The following RHD variants were observed in gnomAD, a reference collection of about 807,000 sequenced individuals.
The protein encoded by RHD is blood group Rh(D) polypeptide.
A neutral mutation model predicts 45.5 loss-of-function variants in RHD; 16 were observed. The ratio of observed to expected loss-of-function variants is 0.35; its 90% confidence interval spans 0.24 to 0.53. The LOEUF (loss-of-function observed/expected upper bound fraction) is 0.53, where lower values mean the gene tolerates loss of function less well. RHD is among the 20% of genes least tolerant of loss of function. RHD has a pLI of 0.92. For synonymous variants in RHD, 131 were observed against 217.5 expected, an observed-to-expected ratio of 0.60 and a Z score of 3.50; for missense variants, 306 against 532.0, an observed-to-expected ratio of 0.58 and a Z score of 4.18.
chr1:25,311,362 C>G (rs1172398736), intron 7 of RHD, among the ~76,000 whole-genome samples: 1 of 130,378 alleles, frequency 7.7e-6, no homozygotes, highest in Non-Finnish European at 1.8e-5. Context: ...GATAAGAAAA[C>G]TAGTACACAT....
rs1336968659 is a variant in RHD, at chr1:25,298,788, A to G, written c.487-2158A>G. On this transcript the variant is annotated intron_variant, in intron 3 of 9. Transcript: ENST00000328664. ...TTCCAGAAGGAAAGACTGCCAATAAACAATAAAATAGGCAAAAGATATAGC... is the reference window on the plus strand; with the variant it reads ...TTCCAGAAGGAAAGACTGCCAATAAGCAATAAAATAGGCAAAAGATATAGC... Among the ~76,000 whole-genome samples the G allele has an allele frequency of 3.0e-5, 4 of 131,422 alleles. 1 individual carries two copies. Among genetic ancestry groups the G allele is most frequent in the African/African-American group, 5.2e-5 (2 of 38,104 alleles). 86.2% of individuals were successfully genotyped at this position (131,422 alleles called of 152,430 possible). A position where few individuals can be genotyped will look rare whatever the true frequency, so the allele number is the denominator to read the frequency against.
chr1:25,284,558 C>T lies in RHD; in HGVS notation c.149-15C>T, dbSNP rs1440302340. On this transcript the variant is annotated splice_polypyrimidine_tract_variant and intron_variant, in intron 1 of 9. Coordinates refer to ENST00000328664, the MANE Select transcript of RHD (RefSeq NM_016124.6). ...GCTTCCCCCTCGTCCTTCTCGCCATCTCCCCACCGAGCAGTTGGCCAAGAT... is the reference window on the plus strand; with the variant it reads ...GCTTCCCCCTCGTCCTTCTCGCCATTTCCCCACCGAGCAGTTGGCCAAGAT... The T allele has an allele frequency of 5.0e-6, 7 of 1,388,458 alleles. No homozygotes were observed. The African/African-American group carries it at 5.6e-5, about 11-fold the overall frequency. 86.0% of individuals were successfully genotyped at this position (1,388,458 alleles called of 1,614,324 possible).
chr1:25,275,232 G>A lies in RHD; in HGVS notation c.148+2537G>A, dbSNP rs1299644115. On this transcript the variant is annotated intron_variant, in intron 1 of 9. Transcript: ENST00000328664. The stretch of plus-strand genomic sequence containing the variant: ...TTGAACCCAGGAGGCAGAGGTTGCT[G>A]AGCTGAGAACATGCCACTGCACTCC... Among the ~76,000 whole-genome samples the A allele has an allele frequency of 5.3e-5, 7 of 132,166 alleles. 2 individuals are homozygous for A. Among genetic ancestry groups the A allele is most frequent in the Non-Finnish European group, 1.3e-4 (7 of 55,848 alleles). The allele number at this position is 132,166 out of a possible 152,430, so 86.7% of individuals were successfully genotyped here.
intron 3 of RHD, among the ~76,000 whole-genome samples, chr1:25,299,357 G>A (rs1643203882): frequency 7.6e-6 from 1 of 130,862 alleles, no homozygotes; most frequent in Admixed American, 7.4e-5. Flanking sequence ...ACTCTAGCCT[G>A]GCGACAGAGT....
At position 25,316,680 on chromosome 1, in the gene RHD, G is replaced by C. The variant is rs545720494; in HGVS notation, c.1074-320G>C. Among the ~76,000 whole-genome samples the C allele has an allele frequency of 1.9e-4, 24 of 125,616 alleles. 6 individuals are homozygous for C. The South Asian group carries it at 6.0e-3, about 31-fold the overall frequency. The allele number at this position is 125,616 out of a possible 152,430, so 82.4% of individuals were successfully genotyped here. ...GAGGCTCTGAGAGGTTGAGGGACTTGCCCAGGGTCTTGCAGCTAGTAAGTG... is the reference window on the plus strand; with the variant it reads ...GAGGCTCTGAGAGGTTGAGGGACTTCCCCAGGGTCTTGCAGCTAGTAAGTG... On this transcript the variant is annotated intron_variant, in intron 7 of 9. Transcript: ENST00000328664.
rs1172601632 is a variant in RHD, at chr1:25,309,040, G to A, written c.1073+2311G>A. 2.3e-5 allele frequency among the ~76,000 whole-genome samples: 3 copies of A among 132,332 alleles called. 1 individual carries two copies. In the East Asian group the frequency reaches 5.8e-4, roughly 26 times the overall value. The allele number at this position is 132,332 out of a possible 152,430, so 86.8% of individuals were successfully genotyped here. On this transcript the variant is annotated intron_variant, in intron 7 of 9. Coordinates refer to ENST00000328664, the MANE Select transcript of RHD (RefSeq NM_016124.6). ...CATCTCTATGTAATGGAAAGATGGA[G>A]AGAGGATTAAGCGCAAAGTCACAAC...
chr1:25,319,795 A>G, intron 8 of RHD, among the ~76,000 whole-genome samples: 1 of 132,926 alleles, frequency 7.5e-6, no homozygotes, highest in South Asian at 2.3e-4. Flanking sequence ...CAGCCCAGGT[A>G]GATTAGAAAT....
At chr1:25,290,554 A>AGAAT (rs112473736) in intron 2 of RHD, 87 bp from the exon 3 acceptor site, 22,281 of 1,099,784 alleles carry the variant, frequency 0.02, 3,279 homozygotes, top group African/African-American at 0.09. Flanking sequence ...GTTTGTTGAA[A>AGAAT]GAATGAATGA....
chr1:25,305,569 G>A lies in RHD; in HGVS notation c.940-1027G>A, dbSNP rs1395215479. 7.6e-5 allele frequency among the ~76,000 whole-genome samples: 9 copies of A among 117,840 alleles called. 2 individuals carry two copies. The highest frequency in any genetic ancestry group is 1.6e-4 in the Non-Finnish European group (8 of 50,708). 77.3% of individuals were successfully genotyped at this position (117,840 alleles called of 152,430 possible). ...CCACCACCATGCCTGGCTAATTTTC[G>A]TGTGTGTATGTATTTTGTTGTTGTT... On this transcript the variant is annotated intron_variant, in intron 6 of 9. Coordinates refer to ENST00000328664, the MANE Select transcript of RHD (RefSeq NM_016124.6).
Position 25,291,026 on chromosome 1 carries a change from G to T in RHD, c.486+235G>T, listed in dbSNP as rs1346075917. ...TATCCAGTTGTGGTGGCATGCACCT[G>T]TAGTCTCAGTTACTCAGGAGGCTGA... On this transcript the variant is annotated intron_variant, in intron 3 of 9. Coordinates refer to ENST00000328664, the MANE Select transcript of RHD (RefSeq NM_016124.6). 1.5e-5 allele frequency among the ~76,000 whole-genome samples: 2 copies of T among 131,464 alleles called. 1 individual carries two copies. Among genetic ancestry groups the T allele is most frequent in the Non-Finnish European group, 3.6e-5 (2 of 55,624 alleles). 86.2% of individuals were successfully genotyped at this position (131,464 alleles called of 152,430 possible).
chr1:25,283,144 C>T (rs1249046663), intron 1 of RHD, among the ~76,000 whole-genome samples: 1 of 132,130 alleles, frequency 7.6e-6, no homozygotes, highest in African/African-American at 2.6e-5. Context: ...GGAGTATGAT[C>T]ATTTCCCCTA....
chr1:25,315,179 C>T (rs1164641896), intron 7 of RHD, among the ~76,000 whole-genome samples: 3 of 130,094 alleles, frequency 2.3e-5, no homozygotes, highest in African/African-American at 7.9e-5. Context: ...TTTGCAAGGT[C>T]ATGCATATGT....
At chr1:25,303,076 C>G (rs1259398803) in intron 5 of RHD, among the ~76,000 whole-genome samples, 1 of 131,840 alleles carries the variant, frequency 7.6e-6, no homozygotes, top group South Asian at 2.3e-4. Flanking sequence ...GACTTCCCAG[C>G]TCATTCCCTA....
chr1:25,276,188 GTTGTTT>G (rs1251096473), intron 1 of RHD, among the ~76,000 whole-genome samples: 1 of 130,876 alleles, frequency 7.6e-6, no homozygotes, highest in African/African-American at 2.6e-5. Flanking sequence ...AGCATGGTGG[GTTGTTT>G]TTGTTTTTGT....
rs1413539503 is a variant in RHD, at chr1:25,307,080, C to T, written c.1073+351C>T. The T allele has an allele frequency of 7.0e-5, 23 of 326,614 alleles. 2 individuals carry two copies. The highest frequency in any genetic ancestry group is 3.8e-4 in the South Asian group (17 of 45,256). 20.2% of individuals were successfully genotyped at this position (326,614 alleles called of 1,614,324 possible). ...CTTTGCTGTGGACGTGCTCCCACTG[C>T]GTACTAGCTGGGCATGTGGCTTAAC... On this transcript the variant is annotated intron_variant, in intron 7 of 9. Transcript: ENST00000328664.
At chr1:25,285,206 C>T (rs893242997) in intron 2 of RHD, among the ~76,000 whole-genome samples, 1 of 131,356 alleles carries the variant, frequency 7.6e-6, no homozygotes, top group African/African-American at 2.7e-5. Flanking sequence ...GCTATCTCGG[C>T]ACACCACAAC....
At chr1:25,306,187 G>A (rs1383728222) in intron 6 of RHD, among the ~76,000 whole-genome samples, 1 of 131,794 alleles carries the variant, frequency 7.6e-6, no homozygotes, top group African/African-American at 2.6e-5. Flanking sequence ...ACAGTGGGGT[G>A]AGGGCTGCTA....
chr1:25,278,150 G>T lies in RHD; in HGVS notation c.148+5455G>T, dbSNP rs550085920. ...CCAGATGGGCAGGGGCAGTGGAGGA[G>T]ATTCTAGAGATATTTAGGAGATAAG... On this transcript the variant is annotated intron_variant, in intron 1 of 9. Transcript: ENST00000328664. Among the ~76,000 whole-genome samples the T allele has an allele frequency of 1.5e-5, 2 of 129,848 alleles. 1 individual carries two copies. The highest frequency in any genetic ancestry group is 3.9e-4 in the East Asian group (2 of 5,106). The allele number at this position is 129,848 out of a possible 152,430, so 85.2% of individuals were successfully genotyped here.
At chr1:25,292,658 G>A (rs1279433222) in intron 3 of RHD, among the ~76,000 whole-genome samples, 1 of 129,310 alleles carries the variant, frequency 7.7e-6, no homozygotes, top group Admixed American at 7.5e-5. Flanking sequence ...TGGGGGAGGG[G>A]GGGTAGAGAT....
Sources: gnomAD v4.1 joint callset for allele counts (sites outside exome capture counted in the v4.1 genomes callset) on GRCh38, gnomAD v4.1.1 for gene constraint, MANE v1.5 for transcripts, NCBI Gene and HGNC (gene_info 2026-07-23, HGNC 2026-07-21) for gene names.